PRMT3: variants seen among roughly 807,000 people sequenced by gnomAD.
PRMT3 encodes protein arginine N-methyltransferase 3.
In PRMT3, 62 loss-of-function variants were observed where a neutral mutation model predicts 71.9. The ratio of observed to expected loss-of-function variants is 0.86; its 90% CI spans 0.70 to 1.07. PRMT3 has a LOEUF of 1.07. PRMT3 is among the 50% of genes least tolerant of loss of function. The probability of loss-of-function intolerance (pLI) is 0.00; values close to 1 mark genes in which losing one functional copy is unlikely to be tolerated. For missense variants in PRMT3, 663 were observed against 643.0 expected (o/e 1.03, Z -0.34); for synonymous variants, 213 against 220.4 (o/e 0.97, Z 0.30).
intron 10 of PRMT3, among the ~76,000 whole-genome samples, chr11:20,432,697 C>T (rs78454887): frequency 0.03 from 4,550 of 152,198 alleles, 227 homozygotes; most frequent in African/African-American, 0.1. Flanking sequence ...TAAGAATTCT[C>T]CTTCTCTGCA....
At chr11:20,392,015 A>G (rs920580796) in intron 3 of PRMT3, among the ~76,000 whole-genome samples, 196 bp from the exon 4 acceptor site, 1 of 152,190 alleles carries the variant, frequency 6.6e-6, no homozygotes, top group African/African-American at 2.4e-5. Flanking sequence ...TTAATTTGTC[A>G]TTTATGGCTG....
At chr11:20,433,555 A>T (rs1346690455) in intron 10 of PRMT3, among the ~76,000 whole-genome samples, 1 of 152,006 alleles carries the variant, frequency 6.6e-6, no homozygotes, top group Non-Finnish European at 1.5e-5. Context: ...TGGTAGAATG[A>T]TTTTTATTTC....
In PRMT3 at chr11:20,508,609, G is replaced by T. The variant is rs1320070086; in HGVS notation, c.*196G>T. 2.9e-6 allele frequency: 2 copies of T among 681,632 alleles called. No homozygotes were observed. The highest frequency in any genetic ancestry group is 2.4e-4 in the Middle Eastern group (1 of 4,192). The allele number at this position is 681,632 out of a possible 1,614,324, so 42.2% of individuals were successfully genotyped here. On this transcript the variant is annotated 3_prime_UTR_variant, in exon 16 of 16. Coordinates refer to ENST00000331079, the MANE Select transcript of PRMT3 (RefSeq NM_005788.4). ...GGAAGAGAATCAGCTGATCCTCATG[G>T]TCTGCCACGTAATCATTTTCTTAGA... is the stretch of plus-strand genomic sequence containing the variant.
chr11:20,389,712 C>G, intron 2 of PRMT3, 32 bp from the exon 3 acceptor site: 2 of 1,457,970 alleles, frequency 1.4e-6, no homozygotes, highest in Non-Finnish European at 1.9e-6. Flanking sequence ...TCTTAGGGGA[C>G]TATTCCATGA....
At chr11:20,441,110 G>T (rs1371788596) in intron 10 of PRMT3, among the ~76,000 whole-genome samples, 1 of 151,286 alleles carries the variant, frequency 6.6e-6, no homozygotes, top group Non-Finnish European at 1.5e-5. Context: ...AAATAAGTAT[G>T]TTTATGATTC....
intron 11 of PRMT3, among the ~76,000 whole-genome samples, chr11:20,453,036 A>C (rs916476057): frequency 6.6e-6 from 1 of 152,200 alleles, no homozygotes; most frequent in African/African-American, 2.4e-5. Flanking sequence ...CTTCAGAATC[A>C]GTAAATGGTT....
intron 15 of PRMT3, among the ~76,000 whole-genome samples, chr11:20,502,380 T>C (rs1470691817): frequency 6.6e-6 from 1 of 152,220 alleles, no homozygotes; most frequent in East Asian, 1.9e-4. Context: ...ACTTAAATGA[T>C]TGTGTGTGCA....
At chr11:20,406,611 G>A (rs932383796) in intron 8 of PRMT3, 1 of 152,118 alleles carries the variant, frequency 6.6e-6, no homozygotes, top group Admixed American at 6.6e-5. Context: ...ATTAACATAG[G>A]TATACAGATA....
chr11:20,415,595 G>A (rs1036403577), intron 9 of PRMT3, among the ~76,000 whole-genome samples: 2 of 145,828 alleles, frequency 1.4e-5, no homozygotes, highest in Non-Finnish European at 3.1e-5. Context: ...AGAGGCACAT[G>A]TGAGATGTCT....
chr11:20,470,871 C>T (rs116070196), intron 13 of PRMT3, among the ~76,000 whole-genome samples: 2,944 of 152,224 alleles, frequency 0.019, 94 homozygotes, highest in African/African-American at 0.065. Context: ...ATGTAAACAG[C>T]GTTCCTCCTT....
intron 13 of PRMT3, among the ~76,000 whole-genome samples, chr11:20,471,166 T>C (rs1850635999): frequency 6.6e-6 from 1 of 152,204 alleles, no homozygotes; most frequent in Non-Finnish European, 1.5e-5. Context: ...TTCTGTAGGT[T>C]GTCTGTTCAT....
chr11:20,399,267 T>C (rs1323034596), intron 7 of PRMT3, among the ~76,000 whole-genome samples: 1 of 152,298 alleles, frequency 6.6e-6, no homozygotes, highest in Admixed American at 6.5e-5. Context: ...TTTGATAACA[T>C]GTATATATTT....
In PRMT3 at chr11:20,508,442, G is replaced by GT; in HGVS notation, c.*34dup. ...AGCCATAAAAGCACACTACCTTGTA[G>GT]TTTTTAATGTGGGGGTAGAGTGGGT... On this transcript the variant is annotated 3_prime_UTR_variant, in exon 16 of 16. Transcript: ENST00000331079. 1 of 1,491,760 alleles carries GT rather than the reference G, an allele frequency of 6.7e-7. No homozygotes were observed. 92.4% of individuals were successfully genotyped at this position (1,491,760 alleles called of 1,614,324 possible).
chr11:20,446,898 T>G (rs1291344639), intron 10 of PRMT3, among the ~76,000 whole-genome samples: 2 of 152,160 alleles, frequency 1.3e-5, no homozygotes, highest in Non-Finnish European at 2.9e-5. Flanking sequence ...ATAATCTTTA[T>G]CAGTCACTGT....
intron 6 of PRMT3, 67 bp from the exon 7 acceptor site, chr11:20,397,510 C>A (rs1453909796): frequency 3.9e-6 from 6 of 1,534,548 alleles, no homozygotes; most frequent in Middle Eastern, 3.4e-4. Context: ...CTTCCTCAAC[C>A]TCTAGCCTTT....
intron 10 of PRMT3, among the ~76,000 whole-genome samples, chr11:20,432,380 G>A (rs1849672351): frequency 6.6e-6 from 1 of 151,960 alleles, no homozygotes; most frequent in Non-Finnish European, 1.5e-5. Context: ...AGGCACATAA[G>A]CATTTATTAT....
intron 13 of PRMT3, among the ~76,000 whole-genome samples, chr11:20,484,514 T>C (rs1851024380): frequency 6.6e-6 from 1 of 152,172 alleles, no homozygotes; most frequent in South Asian, 2.1e-4. Flanking sequence ...TGTGCTGCTG[T>C]CATGACAGTG....
intron 15 of PRMT3, among the ~76,000 whole-genome samples, chr11:20,502,939 C>T (rs1380717065): frequency 6.6e-6 from 1 of 151,914 alleles, no homozygotes; most frequent in African/African-American, 2.4e-5. Context: ...AGAGCAATCA[C>T]GTTTTGGTTG....
intron 11 of PRMT3, among the ~76,000 whole-genome samples, chr11:20,458,862 T>C (rs1018341523): frequency 6.6e-5 from 10 of 152,206 alleles, no homozygotes; most frequent in Non-Finnish European, 1.3e-4. Context: ...CTCTTCTAAT[T>C]ACCAACAATT....
Sources: allele counts gnomAD v4.1 joint callset (sites outside exome capture counted in the v4.1 genomes callset), GRCh38; gene constraint gnomAD v4.1.1; transcripts MANE v1.5; gene names NCBI Gene and HGNC (gene_info 2026-07-23, HGNC 2026-07-21).